Variants in MMP26 observed in about 807,000 individuals in gnomAD.
MMP26 encodes the protein matrix metallopeptidase 26.
Under a neutral mutation model 31.0 loss-of-function variants are expected in MMP26, and 33 were observed. That is an observed-to-expected ratio of 1.06 (90% confidence interval 0.81 to 1.42). The LOEUF is 1.42. Among genes scored for constraint, MMP26 ranks in the 40% most tolerant of loss-of-function variants. The probability of loss-of-function intolerance (pLI) is 0.00; values close to 1 mark genes in which losing one functional copy is unlikely to be tolerated. For missense variants in MMP26, 347 were observed against 316.1 expected (o/e 1.10, Z -0.74); for synonymous variants, 122 against 114.9 (o/e 1.06, Z -0.40).
chr11:4,988,383 G>A, intron 3 of MMP26, 73 bp downstream of exon 3: 1 of 1,055,130 alleles, frequency 9.5e-7, no homozygotes, highest in Non-Finnish European at 1.5e-6. Context: ...GTGTGTGTAT[G>A]TGTGACTGCA....
chr11:4,837,306 C>G (rs1849732402), intron 2 of MMP26, among the ~76,000 whole-genome samples: 2 of 152,138 alleles, frequency 1.3e-5, no homozygotes, highest in Admixed American at 1.3e-4. Flanking sequence ...CTCCTTGGCT[C>G]AAGTGAACCT....
Position 4,846,755 on chromosome 11 carries a change from C to G in MMP26, c.-145+79414C>G, listed in dbSNP as rs112793246. ...CAATTATTGTGCTACAACAATAGTGCTCCTCATAACACACATGTGATTAAT... is the reference window on the plus strand; with the variant it reads ...CAATTATTGTGCTACAACAATAGTGGTCCTCATAACACACATGTGATTAAT... On this transcript the variant is annotated intron_variant, in intron 2 of 7. Coordinates refer to ENST00000380390, the MANE Select transcript of MMP26 (RefSeq NM_021801.5). Among the ~76,000 whole-genome samples, 1,128 of 152,274 alleles carry G rather than the reference C, an allele frequency of 7.4e-3. 5 individuals are homozygous for G. Among genetic ancestry groups the G allele is most frequent in the Non-Finnish European group, 0.011 (779 of 68,024 alleles).
chr11:4,760,098 A>G (rs952693823), intron 1 of MMP26, among the ~76,000 whole-genome samples: 15 of 152,226 alleles, frequency 9.9e-5, no homozygotes, highest in African/African-American at 3.6e-4. Flanking sequence ...AGGAATATGA[A>G]GTCAGATTTT....
intron 2 of MMP26, among the ~76,000 whole-genome samples, chr11:4,881,382 C>T (rs1325433693): frequency 6.6e-6 from 1 of 152,064 alleles, no homozygotes; most frequent in African/African-American, 2.4e-5. Flanking sequence ...CCCCAAATGC[C>T]CTCTGCATTC....
At chr11:4,937,070 T>A (rs72858186) in intron 2 of MMP26, among the ~76,000 whole-genome samples, 16,139 of 152,208 alleles carry the variant, frequency 0.11, 973 homozygotes, top group Middle Eastern at 0.24. Context: ...ATTATTGTAT[T>A]GGCATATATT....
chr11:4,941,671 A>G (rs1392872727), intron 2 of MMP26, among the ~76,000 whole-genome samples: 2 of 152,192 alleles, frequency 1.3e-5, no homozygotes, highest in African/African-American at 2.4e-5. Flanking sequence ...CTATCATGCT[A>G]CATTTTCTAT....
intron 2 of MMP26, chr11:4,769,056 CAG>C (rs1564904988): frequency 6.4e-7 from 1 of 1,554,762 alleles, no homozygotes; most frequent in Non-Finnish European, 8.7e-7. Flanking sequence ...GGGTTGAGCA[CAG>C]GGGGTAAAAG....
intron 2 of MMP26, among the ~76,000 whole-genome samples, chr11:4,898,827 CTCTCTGTGTGTGTGTGTGTGTG>C (rs1351083498): frequency 1.4e-4 from 7 of 51,766 alleles, no homozygotes; most frequent in African/African-American, 5.1e-4. Context: ...CTCTCTCTCT[CTCTCTGTGTGTGTGTGTGTGTG>C]TGTGTGTGTG....
chr11:4,831,373 A>G (rs1849644039), intron 2 of MMP26, among the ~76,000 whole-genome samples: 1 of 152,188 alleles, frequency 6.6e-6, no homozygotes, highest in Non-Finnish European at 1.5e-5. Context: ...AAGATCTGGC[A>G]AATGGTGTTT....
chr11:4,915,458 G>A (rs1851069600), intron 2 of MMP26: 1 of 1,614,138 alleles, frequency 6.2e-7, no homozygotes. Context: ...AGCCAGCATG[G>A]ACAGGAAGAG....
chr11:4,747,690 A>C (rs1246566737), intron 1 of MMP26, among the ~76,000 whole-genome samples: 1 of 152,164 alleles, frequency 6.6e-6, no homozygotes, highest in Non-Finnish European at 1.5e-5. Context: ...ACTCTAAGGA[A>C]ACTGATTTAG....
intron 1 of MMP26, among the ~76,000 whole-genome samples, chr11:4,722,127 CAAAACT>C (rs1394868516): frequency 6.6e-6 from 1 of 152,194 alleles, no homozygotes; most frequent in African/African-American, 2.4e-5. Context: ...GCATAGCCTG[CAAAACT>C]GTGAGCCAGT....
chr11:4,781,114 G>T (rs972372265), intron 2 of MMP26, among the ~76,000 whole-genome samples: 1 of 152,230 alleles, frequency 6.6e-6, no homozygotes, highest in East Asian at 1.9e-4. Context: ...GGGGCTGGGG[G>T]TAGAAAAGAG....
At chr11:4,943,568 T>A (rs1023096093) in intron 2 of MMP26, 1 of 436,738 alleles carries the variant, frequency 2.3e-6, no homozygotes, top group African/African-American at 2.0e-5. Context: ...TAAAGAATGG[T>A]TAGTAGCGTC....
At chr11:4,888,818 A>C (rs536376912) in intron 2 of MMP26, among the ~76,000 whole-genome samples, 2 of 152,168 alleles carry the variant, frequency 1.3e-5, no homozygotes, top group Non-Finnish European at 2.9e-5. Flanking sequence ...TCTTTCACTT[A>C]AATGGGAAAT....
At chr11:4,923,277 G>A in intron 2 of MMP26, 1 of 1,291,424 alleles carries the variant, frequency 7.7e-7, no homozygotes, top group South Asian at 1.5e-5. Flanking sequence ...TTGCCTTTTT[G>A]TTGACAGTCA....
chr11:4,869,480 C>G (rs1178421279), intron 2 of MMP26, among the ~76,000 whole-genome samples: 2 of 152,200 alleles, frequency 1.3e-5, no homozygotes, highest in Non-Finnish European at 2.9e-5. Flanking sequence ...CTCATCATCA[C>G]TGGCCATCAG....
intron 1 of MMP26, among the ~76,000 whole-genome samples, chr11:4,730,084 A>C (rs180710150): frequency 1.3e-5 from 2 of 152,162 alleles, no homozygotes; most frequent in East Asian, 3.9e-4. Context: ...TTTAGCTTTC[A>C]CTTTGACTGG....
intron 1 of MMP26, among the ~76,000 whole-genome samples, chr11:4,739,420 C>T (rs1340720135): frequency 6.6e-6 from 1 of 152,074 alleles, no homozygotes; most frequent in Non-Finnish European, 1.5e-5. Context: ...GAAAATCTTG[C>T]TAAGACCCTC....
Sources: allele counts gnomAD v4.1 joint callset (sites outside exome capture counted in the v4.1 genomes callset), GRCh38; gene constraint gnomAD v4.1.1; transcripts MANE v1.5; gene names NCBI Gene and HGNC (gene_info 2026-07-23, HGNC 2026-07-21).